Variants in ARB2A observed in about 807,000 individuals in gnomAD.
ARB2A encodes the protein ARB2 cotranscriptional regulator A, also known as cotranscriptional regulator ARB2A.
At chr5:93,908,439 A>G in the ARB2A span, among the ~76,000 whole-genome samples, 1 of 150,824 alleles carries the variant, frequency 6.6e-6, no homozygotes, top group African/African-American at 2.4e-5. Context: ...CTTGTACTTT[A>G]TTCATCCCTG....
chr5:93,934,018 AAAGG>A, the ARB2A span, among the ~76,000 whole-genome samples: 1 of 152,032 alleles, frequency 6.6e-6, no homozygotes, highest in African/African-American at 2.4e-5. Flanking sequence ...CAAACAAAAA[AAAGG>A]AAGATAGAGG....
the ARB2A span, among the ~76,000 whole-genome samples, chr5:94,086,014 G>C: frequency 2.0e-5 from 3 of 152,064 alleles, no homozygotes; most frequent in Non-Finnish European, 4.4e-5. Flanking sequence ...ATTACCACTG[G>C]GAAAGAACAG....
the ARB2A span, chr5:93,619,429 C>T: frequency 6.6e-6 from 1 of 152,138 alleles, no homozygotes; most frequent in African/African-American, 2.4e-5. Flanking sequence ...ATATTAACAG[C>T]TTTAAAACTT....
At chr5:93,940,574 TCAAA>T in the ARB2A span, among the ~76,000 whole-genome samples, 7 of 152,088 alleles carry the variant, frequency 4.6e-5, no homozygotes, top group South Asian at 2.1e-4. Flanking sequence ...TCTATTTACA[TCAAA>T]CAGTTGAATA....
chr5:93,868,185 GTGGCA>G, the ARB2A span, among the ~76,000 whole-genome samples: 2 of 152,122 alleles, frequency 1.3e-5, no homozygotes, highest in Non-Finnish European at 2.9e-5. Flanking sequence ...GCCAGGTGTG[GTGGCA>G]CATGCCTGTG....
the ARB2A span, among the ~76,000 whole-genome samples, chr5:93,647,669 ACCTGCCACCATGCC>A: frequency 6.6e-6 from 1 of 151,348 alleles, no homozygotes; most frequent in Non-Finnish European, 1.5e-5. Context: ...GACTACAGGC[ACCTGCCACCATGCC>A]TGGCTAATTT....
the ARB2A span, among the ~76,000 whole-genome samples, chr5:93,829,383 T>TACC: frequency 6.6e-6 from 1 of 152,172 alleles, no homozygotes; most frequent in African/African-American, 2.4e-5. Flanking sequence ...TACCACCTTC[T>TACC]ACTGCATACT....
chr5:93,622,095 G>A, the ARB2A span, among the ~76,000 whole-genome samples: 1 of 152,184 alleles, frequency 6.6e-6, no homozygotes, highest in Non-Finnish European at 1.5e-5. Flanking sequence ...AAGAACAGAT[G>A]AGGAAATACA....
the ARB2A span, among the ~76,000 whole-genome samples, chr5:93,958,538 T>A: frequency 6.6e-6 from 1 of 152,036 alleles, no homozygotes; most frequent in African/African-American, 2.4e-5. Context: ...ATTAAAAATA[T>A]TTTAGAAAAA....
chr5:93,720,001 T>C, the ARB2A span, among the ~76,000 whole-genome samples: 6 of 152,204 alleles, frequency 3.9e-5, no homozygotes, highest in African/African-American at 9.6e-5. Context: ...TTTTCCCTTA[T>C]CTGCTCAGGC....
chr5:94,042,351 G>A, the ARB2A span, among the ~76,000 whole-genome samples: 106 of 127,938 alleles, frequency 8.3e-4, 1 homozygote, highest in Admixed American at 2.0e-3. Context: ...ATGGGGTCTC[G>A]CTCTGTAGCC....
At chr5:93,817,524 T>G in the ARB2A span, among the ~76,000 whole-genome samples, 1 of 152,270 alleles carries the variant, frequency 6.6e-6, no homozygotes, top group African/African-American at 2.4e-5. Context: ...AAAATCATCT[T>G]GAAACAGAAT....
the ARB2A span, among the ~76,000 whole-genome samples, chr5:94,029,954 G>A: frequency 1.4e-4 from 22 of 152,150 alleles, no homozygotes; most frequent in Non-Finnish European, 1.5e-4. Context: ...CAATCATGGC[G>A]GAAGAGCAAG....
the ARB2A span, among the ~76,000 whole-genome samples, chr5:93,703,424 A>G: frequency 1.3e-5 from 2 of 152,254 alleles, no homozygotes; most frequent in African/African-American, 4.8e-5. Context: ...AGCAAATAAG[A>G]TGCACATAAA....
the ARB2A span, among the ~76,000 whole-genome samples, chr5:93,928,902 A>G: frequency 6.6e-6 from 1 of 152,240 alleles, no homozygotes; most frequent in South Asian, 2.1e-4. Context: ...ATACTCTTAC[A>G]GCCTTCTTTA....
At chr5:94,036,921 T>G in the ARB2A span, among the ~76,000 whole-genome samples, 1 of 152,196 alleles carries the variant, frequency 6.6e-6, no homozygotes, top group African/African-American at 2.4e-5. Context: ...ATTTCATTTT[T>G]TGCATTTAGA....
chr5:93,674,223 C>T, the ARB2A span, among the ~76,000 whole-genome samples: 2 of 152,212 alleles, frequency 1.3e-5, no homozygotes, highest in Non-Finnish European at 2.9e-5. Context: ...GCAAGGTCAG[C>T]CCTTTCAGTG....
chr5:93,852,480 T>C, the ARB2A span, among the ~76,000 whole-genome samples: 1 of 152,246 alleles, frequency 6.6e-6, no homozygotes, highest in Non-Finnish European at 1.5e-5. Context: ...TTGTTAATTT[T>C]GGCTTTTGTT....
the ARB2A span, among the ~76,000 whole-genome samples, chr5:94,047,668 C>A: frequency 6.6e-6 from 1 of 152,024 alleles, no homozygotes; most frequent in African/African-American, 2.4e-5. Context: ...TGATTCTTAT[C>A]GACTAAGGTA....
Sources: gnomAD v4.1 joint callset for allele counts (sites outside exome capture counted in the v4.1 genomes callset) on GRCh38, gnomAD v4.1.1 for gene constraint, MANE v1.5 for transcripts, NCBI Gene and HGNC (gene_info 2026-07-23, HGNC 2026-07-21) for gene names.